OSBPL9: variants seen among roughly 807,000 people sequenced by gnomAD.
The protein encoded by OSBPL9 is oxysterol binding protein like 9.
A neutral mutation model predicts 106.6 loss-of-function variants in OSBPL9; 40 were observed. The observed-to-expected ratio is 0.38, with a 90% CI of 0.29 to 0.49. The LOEUF (loss-of-function observed/expected upper bound fraction) is 0.49, where lower values mean the gene tolerates loss of function less well. Ranked by LOEUF, OSBPL9 falls within the 20% of genes least tolerant of loss-of-function variation. OSBPL9 has a pLI of 0.97. For synonymous variants in OSBPL9, 269 were observed against 295.4 expected, an observed-to-expected ratio of 0.91 and a Z score of 0.92; for missense variants, 609 against 887.2, an observed-to-expected ratio of 0.69 and a Z score of 3.98.
rs539888678 is a variant in OSBPL9 at position 51,765,670 on chromosome 1, T to C, written c.779-152T>C. On this transcript the variant is annotated intron_variant, in intron 11 of 23. Transcript: ENST00000428468. Reference sequence around the variant, plus strand: ...ATGATTTGCCATTTTCTGTGTGGAGTTTAAATGTTGATTTTCTTTATAAAT... The same window carrying C: ...ATGATTTGCCATTTTCTGTGTGGAGCTTAAATGTTGATTTTCTTTATAAAT... The C allele has an allele frequency of 8.7e-5, 53 of 606,034 alleles. No homozygotes were observed. The African/African-American group carries it at 9.6e-4, about 11-fold the overall frequency. 37.5% of individuals were successfully genotyped at this position (606,034 alleles called of 1,614,324 possible).
chr1:51,644,297 A>G (rs1190673914), intron 1 of OSBPL9, among the ~76,000 whole-genome samples: 1 of 152,044 alleles, frequency 6.6e-6, no homozygotes. Context: ...GAGAGACAGG[A>G]TCACGAGTTA....
intron 1 of OSBPL9, among the ~76,000 whole-genome samples, chr1:51,591,923 C>T (rs534892702): frequency 5.9e-5 from 9 of 152,240 alleles, no homozygotes; most frequent in East Asian, 3.9e-4. Context: ...CTGGACTTCT[C>T]GGTCCTCTAA....
At chr1:51,697,453 CTTTTTTTTTT>C (rs759965779) in intron 3 of OSBPL9, among the ~76,000 whole-genome samples, 2 of 103,166 alleles carry the variant, frequency 1.9e-5, no homozygotes, top group South Asian at 6.8e-4. Flanking sequence ...ATAGGGGTTA[CTTTTTTTTTT>C]TTTTTTTTTT....
At chr1:51,699,150 C>A (rs1557704547) in intron 3 of OSBPL9, among the ~76,000 whole-genome samples, 1 of 152,148 alleles carries the variant, frequency 6.6e-6, no homozygotes, top group Non-Finnish European at 1.5e-5. Flanking sequence ...CATATTCAGA[C>A]AATGCAAGTG....
At chr1:51,770,043 T>G (rs906586829) in intron 12 of OSBPL9, among the ~76,000 whole-genome samples, 10 of 152,004 alleles carry the variant, frequency 6.6e-5, no homozygotes, top group Non-Finnish European at 1.5e-5. Context: ...CGAACACAGC[T>G]CACTATAGCC....
rs72900030 is a variant in OSBPL9, at chr1:51,782,363, G to A, written c.1429-196G>A. ...GCCCTGAATGAGGCACACAATCCTT[G>A]CCTTTAAGAATGTCTTAGTCTAGTC... On this transcript the variant is annotated intron_variant, in intron 16 of 23. Transcript: ENST00000428468. Among the ~76,000 whole-genome samples the A allele has an allele frequency of 7.2e-3, 1,092 of 152,220 alleles. 9 individuals are homozygous for A. Among genetic ancestry groups the A allele is most frequent in the African/African-American group, 0.025 (1,050 of 41,526 alleles).
chr1:51,650,814 T>C (rs1020333308), intron 1 of OSBPL9, among the ~76,000 whole-genome samples: 1 of 152,256 alleles, frequency 6.6e-6, no homozygotes, highest in Non-Finnish European at 1.5e-5. Flanking sequence ...TTTGTTGTAT[T>C]GCACATGACT....
At chr1:51,523,023 G>A in the OSBPL9 span, among the ~76,000 whole-genome samples, 1 of 152,034 alleles carries the variant, frequency 6.6e-6, no homozygotes, top group Non-Finnish European at 1.5e-5. Context: ...CTGGAAGGCC[G>A]AGGCAGGAGG....
At chr1:51,549,056 G>A in the OSBPL9 span, among the ~76,000 whole-genome samples, 1 of 152,106 alleles carries the variant, frequency 6.6e-6, no homozygotes, top group Non-Finnish European at 1.5e-5. Flanking sequence ...TGTAGAAATT[G>A]GTATAAAGTC....
chr1:51,598,850 C>T lies in OSBPL9; in HGVS notation c.-353+657C>T, dbSNP rs564814850. 2.1e-4 allele frequency among the ~76,000 whole-genome samples: 32 copies of T among 152,082 alleles called. No individual in the cohort carries two copies. The South Asian group carries it at 4.6e-3, about 22-fold the overall frequency. Reference sequence around the variant, plus strand: ...CTCTATTAAGAATACAAAAATTAGCCGGGCATGGTGGCGCACCCCTGTAAT... The same window carrying T: ...CTCTATTAAGAATACAAAAATTAGCTGGGCATGGTGGCGCACCCCTGTAAT... On this transcript the variant is annotated intron_variant, in intron 2 of 25. Transcript: ENST00000371714.
At chr1:51,567,001 G>A in the OSBPL9 span, among the ~76,000 whole-genome samples, 9 of 152,126 alleles carry the variant, frequency 5.9e-5, no homozygotes, top group Non-Finnish European at 1.3e-4. Flanking sequence ...TTCTAGGCTC[G>A]GTTCCTGCCT....
intron 1 of OSBPL9, among the ~76,000 whole-genome samples, chr1:51,630,945 T>A (rs1321476897): frequency 1.3e-5 from 2 of 152,230 alleles, no homozygotes; most frequent in African/African-American, 4.8e-5. Context: ...AAGCTTTTTC[T>A]TGTTAAAAAT....
At chr1:51,542,760 A>G in the OSBPL9 span, among the ~76,000 whole-genome samples, 7 of 152,262 alleles carry the variant, frequency 4.6e-5, no homozygotes, top group African/African-American at 1.7e-4. Flanking sequence ...TTCAAAATCT[A>G]GTAAATACAG....
At chr1:51,550,185 C>T in the OSBPL9 span, among the ~76,000 whole-genome samples, 4 of 152,130 alleles carry the variant, frequency 2.6e-5, no homozygotes, top group African/African-American at 9.7e-5. Context: ...ATTAGATGAG[C>T]ACATTGTAGA....
chr1:51,628,624 A>C (rs891238855), intron 1 of OSBPL9, among the ~76,000 whole-genome samples: 22 of 150,970 alleles, frequency 1.5e-4, no homozygotes, highest in African/African-American at 5.4e-4. Context: ...AAATATCTAA[A>C]TTTTTTATTA....
chr1:51,541,252 A>G, the OSBPL9 span, among the ~76,000 whole-genome samples: 1 of 152,198 alleles, frequency 6.6e-6, no homozygotes, highest in Non-Finnish European at 1.5e-5. Flanking sequence ...AGAGCCAAAC[A>G]CAGTTTCCAG....
chr1:51,686,696 G>A (rs1002887071), intron 3 of OSBPL9, among the ~76,000 whole-genome samples: 1 of 152,196 alleles, frequency 6.6e-6, no homozygotes, highest in African/African-American at 2.4e-5. Flanking sequence ...TCTGTTACCA[G>A]GTGTGTGGGA....
intron 23 of OSBPL9, 28 bp from the exon 24 acceptor site, chr1:51,787,687 A>G: frequency 6.2e-7 from 1 of 1,605,240 alleles, no homozygotes; most frequent in Non-Finnish European, 8.5e-7. Context: ...GCAAATATGT[A>G]ACTAAATTCT....
At chr1:51,608,467 T>A (rs1643963279) in intron 2 of OSBPL9, among the ~76,000 whole-genome samples, 1 of 150,910 alleles carries the variant, frequency 6.6e-6, no homozygotes, top group Non-Finnish European at 1.5e-5. Context: ...TAATTTTTTT[T>A]TTTTTTATTT....
Sources: allele counts gnomAD v4.1 joint callset (sites outside exome capture counted in the v4.1 genomes callset), GRCh38; gene constraint gnomAD v4.1.1; transcripts MANE v1.5; gene names NCBI Gene and HGNC (gene_info 2026-07-23, HGNC 2026-07-21).